Variants in FSTL4 observed in about 807,000 individuals in gnomAD.
FSTL4 encodes follistatin-related protein 4.
Under a neutral mutation model 78.2 loss-of-function variants are expected in FSTL4, and 28 were observed. That is an observed-to-expected ratio of 0.36 (90% confidence interval 0.27 to 0.49). FSTL4 has a LOEUF of 0.49. FSTL4 is among the 20% of genes least tolerant of loss of function. The pLI, the probability that FSTL4 is intolerant of heterozygous loss-of-function variation, is 0.98. For missense variants in FSTL4, 922 were observed against 1,084.9 expected, an observed-to-expected ratio of 0.85 and a Z score of 2.11; for synonymous variants, 422 against 440.5, an observed-to-expected ratio of 0.96 and a Z score of 0.53.
chr5:133,828,263 A>C, the FSTL4 span, among the ~76,000 whole-genome samples: 46,538 of 151,942 alleles, frequency 0.31, 7,625 homozygotes, highest in East Asian at 0.53. Flanking sequence ...CGCTCTTGAC[A>C]CCTTTCTTAT....
At chr5:133,737,649 G>A in the FSTL4 span, among the ~76,000 whole-genome samples, 2 of 135,136 alleles carry the variant, frequency 1.5e-5, no homozygotes, top group East Asian at 2.3e-4. Context: ...CTGTCACCCA[G>A]GCTAGAGTGC....
At chr5:133,216,459 C>T (rs1328123731) in intron 13 of FSTL4, among the ~76,000 whole-genome samples, 1 of 150,450 alleles carries the variant, frequency 6.6e-6, no homozygotes, top group Non-Finnish European at 1.5e-5. Flanking sequence ...AGTGATTCTC[C>T]TGCCTCAGCC....
intron 4 of FSTL4, among the ~76,000 whole-genome samples, chr5:133,376,879 A>G (rs1283920872): frequency 7.5e-5 from 8 of 106,102 alleles, no homozygotes; most frequent in Non-Finnish European, 1.6e-4. Flanking sequence ...ACAGAGCAAG[A>G]GTCTGTCTCA....
chr5:133,311,606 C>G (rs756162281), intron 6 of FSTL4, among the ~76,000 whole-genome samples: 5 of 152,200 alleles, frequency 3.3e-5, no homozygotes, highest in Admixed American at 1.3e-4. Flanking sequence ...GGAATAGCAA[C>G]AGCCCAAAGA....
intron 4 of FSTL4, among the ~76,000 whole-genome samples, chr5:133,328,547 G>A (rs2126905314): frequency 6.6e-6 from 1 of 152,300 alleles, no homozygotes; most frequent in South Asian, 2.1e-4. Flanking sequence ...AGCTCTCCTG[G>A]TATTAAGAAC....
the FSTL4 span, among the ~76,000 whole-genome samples, chr5:133,713,817 T>C: frequency 6.6e-5 from 10 of 152,286 alleles, no homozygotes; most frequent in Admixed American, 1.3e-4. Context: ...TCTTCCAACG[T>C]TGAAACTAGG....
chr5:133,756,917 T>G, the FSTL4 span, among the ~76,000 whole-genome samples: 1 of 152,184 alleles, frequency 6.6e-6, no homozygotes. Context: ...TCTGGGAATC[T>G]ACCATGTACA....
chr5:133,736,920 G>A, the FSTL4 span, among the ~76,000 whole-genome samples: 3 of 151,920 alleles, frequency 2.0e-5, no homozygotes, highest in Non-Finnish European at 4.4e-5. Flanking sequence ...GAGAACAAGG[G>A]GATCTTTTTT....
the FSTL4 span, among the ~76,000 whole-genome samples, chr5:133,709,058 G>T: frequency 1.3e-5 from 2 of 152,198 alleles, no homozygotes; most frequent in East Asian, 3.8e-4. Flanking sequence ...ATTAAAAAGA[G>T]ATCTGAGTTA....
intron 3 of FSTL4, among the ~76,000 whole-genome samples, chr5:133,454,181 AC>A (rs1292920027): frequency 1.3e-5 from 2 of 152,202 alleles, no homozygotes; most frequent in East Asian, 3.8e-4. Context: ...AGAAAAAAAA[AC>A]AACAACAACT....
the FSTL4 span, among the ~76,000 whole-genome samples, chr5:133,664,510 A>T: frequency 2.0e-5 from 3 of 152,038 alleles, no homozygotes; most frequent in South Asian, 2.1e-4. Flanking sequence ...TAAACACCTG[A>T]CTCCAAATGA....
At chr5:133,658,477 G>C in the FSTL4 span, among the ~76,000 whole-genome samples, 1 of 152,016 alleles carries the variant, frequency 6.6e-6, no homozygotes, top group African/African-American at 2.4e-5. Context: ...ATCTTTTCCA[G>C]AACTTTATCT....
chr5:133,619,684 T>C, the FSTL4 span, among the ~76,000 whole-genome samples: 1 of 152,182 alleles, frequency 6.6e-6, no homozygotes, highest in African/African-American at 2.4e-5. Flanking sequence ...CATTTCCTAA[T>C]TGCAGTAAAT....
chr5:133,239,812 T>A (rs1026147373), intron 7 of FSTL4, among the ~76,000 whole-genome samples: 1 of 152,160 alleles, frequency 6.6e-6, no homozygotes, highest in African/African-American at 2.4e-5. Flanking sequence ...GTGGGGACCG[T>A]GGAGAACTTT....
intron 14 of FSTL4, among the ~76,000 whole-genome samples, chr5:133,205,386 C>CGT (rs3087070): frequency 0.11 from 16,856 of 150,768 alleles, 1,169 homozygotes; most frequent in Middle Eastern, 0.26. Context: ...TTTTTCTTTG[C>CGT]GTGTGTGTGT....
the FSTL4 span, among the ~76,000 whole-genome samples, chr5:133,798,991 AGG>A: frequency 3.4e-5 from 4 of 116,746 alleles, no homozygotes; most frequent in Non-Finnish European, 5.5e-5. Flanking sequence ...GGAGGGAGGA[AGG>A]GAGGGAGAGA....
the FSTL4 span, among the ~76,000 whole-genome samples, chr5:133,668,715 G>A: frequency 1.3e-5 from 2 of 152,154 alleles, no homozygotes; most frequent in African/African-American, 4.8e-5. Flanking sequence ...TCTGATGCTT[G>A]CCTGGATACT....
intron 6 of FSTL4, among the ~76,000 whole-genome samples, chr5:133,257,312 C>T (rs1316766124): frequency 6.6e-6 from 1 of 152,184 alleles, no homozygotes; most frequent in Non-Finnish European, 1.5e-5. Context: ...GCCCGTGACT[C>T]CTGTAAAGCC....
At chr5:133,525,688 A>C (rs959416450) in intron 3 of FSTL4, among the ~76,000 whole-genome samples, 26 of 152,210 alleles carry the variant, frequency 1.7e-4, no homozygotes, top group Admixed American at 5.2e-4. Context: ...TCTTCAGGGA[A>C]TGAGTAAAAG....
Sources: gnomAD v4.1 joint callset for allele counts (sites outside exome capture counted in the v4.1 genomes callset) on GRCh38, gnomAD v4.1.1 for gene constraint, MANE v1.5 for transcripts, NCBI Gene and HGNC (gene_info 2026-07-23, HGNC 2026-07-21) for gene names.